Variants in PPP2R5E observed in about 807,000 individuals in gnomAD.
PPP2R5E encodes the protein protein phosphatase 2 regulatory subunit B'epsilon, also known as serine/threonine-protein phosphatase 2A 56 kDa regulatory subunit epsilon isoform.
Under a neutral mutation model 65.3 loss-of-function variants are expected in PPP2R5E, and 4 were observed. The observed-to-expected ratio is 0.06, with a 90% CI of 0.03 to 0.14. The LOEUF is 0.14. Among genes scored for constraint, PPP2R5E ranks in the 10% least tolerant of loss-of-function variants. The pLI, the probability that PPP2R5E is intolerant of heterozygous loss-of-function variation, is 1.00. For missense variants in PPP2R5E, 274 were observed against 556.1 expected (o/e 0.49, Z 5.10); for synonymous variants, 183 against 187.4 (o/e 0.98, Z 0.19).
At chr14:63,525,137 G>A (rs1043896024) in intron 2 of PPP2R5E, among the ~76,000 whole-genome samples, 1 of 152,122 alleles carries the variant, frequency 6.6e-6, no homozygotes, top group Admixed American at 6.5e-5. Flanking sequence ...GACGCCATGT[G>A]GTACATTGCC....
chr14:63,453,549 G>A lies in PPP2R5E; in HGVS notation c.354+140C>T, dbSNP rs953105998. ...GCTCTTCAAATTCTAGCACTGTGCCGACTACATTTGCTTAGCTCTCCAAAG... is the reference window on the plus strand; with the variant it reads ...GCTCTTCAAATTCTAGCACTGTGCCAACTACATTTGCTTAGCTCTCCAAAG... On this transcript the variant is annotated intron_variant, in intron 3 of 13. Coordinates refer to ENST00000337537, the MANE Select transcript of PPP2R5E (RefSeq NM_006246.5). The A allele has an allele frequency of 1.1e-4, 81 of 706,282 alleles. 1 individual carries two copies. The highest frequency in any genetic ancestry group is 9.1e-5 in the South Asian group (4 of 44,164). The allele number at this position is 706,282 out of a possible 1,614,324, so 43.8% of individuals were successfully genotyped here.
At chr14:63,404,791 G>C (rs1243410719) in intron 5 of PPP2R5E, among the ~76,000 whole-genome samples, 2 of 151,972 alleles carry the variant, frequency 1.3e-5, no homozygotes, top group African/African-American at 2.4e-5. Context: ...TTTTCCCCTT[G>C]AGCATACTAT....
chr14:63,374,296 G>T lies in PPP2R5E; in HGVS notation c.*1713C>A, dbSNP rs1265334891. The T allele has an allele frequency of 6.6e-6, 1 of 151,714 alleles. No homozygotes were observed. The highest frequency in any genetic ancestry group is 1.5e-5 in the Non-Finnish European group (1 of 67,946). The allele number at this position is 151,714 out of a possible 1,614,324, so 9.4% of individuals were successfully genotyped here. A position where few individuals can be genotyped will look rare whatever the true frequency, so the allele number is the denominator to read the frequency against. ...TATTCTACTTTATATTTAAATGTAA[G>T]GAAGAAAATATACAAGCCCATATTT... On this transcript the variant is annotated 3_prime_UTR_variant, in exon 14 of 14. Coordinates refer to ENST00000337537, the MANE Select transcript of PPP2R5E (RefSeq NM_006246.5).
At chr14:63,522,007 T>C (rs1259859655) in intron 2 of PPP2R5E, among the ~76,000 whole-genome samples, 1 of 130,738 alleles carries the variant, frequency 7.6e-6, no homozygotes, top group Admixed American at 8.7e-5. Context: ...GAAGCTGGAC[T>C]GTACTGCTGC....
chr14:63,405,890 A>G (rs369911457), intron 5 of PPP2R5E, among the ~76,000 whole-genome samples: 14 of 152,212 alleles, frequency 9.2e-5, no homozygotes, highest in Non-Finnish European at 1.6e-4. Flanking sequence ...TGAAATCAAC[A>G]TTACCACAGA....
intron 2 of PPP2R5E, among the ~76,000 whole-genome samples, chr14:63,529,604 C>T (rs1313328847): frequency 2.8e-5 from 4 of 140,398 alleles, no homozygotes; most frequent in Admixed American, 7.2e-5. Flanking sequence ...GTCTCGATCT[C>T]CTGACCTCAT....
chr14:63,490,474 T>C lies in PPP2R5E; in HGVS notation c.158-36589A>G, dbSNP rs1290940914. Among the ~76,000 whole-genome samples, 3 of 151,880 alleles carry C rather than the reference T, an allele frequency of 2.0e-5. No individual in the cohort carries two copies. The East Asian group carries it at 5.8e-4, about 29-fold the overall frequency. ...ACAACCTACAGAATGGGAGAAAATA[T>C]CTGCAAACTACACATCTGATGAAGG... On this transcript the variant is annotated intron_variant, in intron 2 of 13. Coordinates refer to ENST00000337537, the MANE Select transcript of PPP2R5E (RefSeq NM_006246.5).
intron 3 of PPP2R5E, among the ~76,000 whole-genome samples, chr14:63,430,369 A>ACATACATACATGCATACATACATACATG (rs1887581648): frequency 5.2e-5 from 7 of 135,138 alleles, no homozygotes; most frequent in African/African-American, 2.2e-4. Flanking sequence ...ATACATACAT[A>ACATACATACATGCATACATACATACATG]CATGCATGCA....
chr14:63,451,963 A>T (rs1205945350), intron 3 of PPP2R5E: 1 of 152,230 alleles, frequency 6.6e-6, no homozygotes, highest in Non-Finnish European at 1.5e-5. Context: ...GTATAAGGAT[A>T]TTCATAGAGT....
chr14:63,421,052 C>CAAAAAAAAAA (rs56297942), intron 4 of PPP2R5E, among the ~76,000 whole-genome samples: 3 of 10,294 alleles, frequency 2.9e-4, no homozygotes, highest in African/African-American at 1.2e-3. Context: ...GACTCCGTCT[C>CAAAAAAAAAA]AAAAAAAAAA....
chr14:63,457,089 G>T (rs1026714444), intron 2 of PPP2R5E, among the ~76,000 whole-genome samples: 1 of 152,196 alleles, frequency 6.6e-6, no homozygotes, highest in Non-Finnish European at 1.5e-5. Context: ...CAAACAAGAG[G>T]TTCTTCATAT....
At chr14:63,413,715 G>T (rs1360411129) in intron 5 of PPP2R5E, among the ~76,000 whole-genome samples, 2 of 151,706 alleles carry the variant, frequency 1.3e-5, no homozygotes, top group East Asian at 1.9e-4. Flanking sequence ...CATTTTTTTT[G>T]AAATAAGTTA....
intron 1 of PPP2R5E, among the ~76,000 whole-genome samples, chr14:63,541,590 A>G (rs981488197): frequency 6.6e-6 from 1 of 152,252 alleles, no homozygotes; most frequent in African/African-American, 2.4e-5. Context: ...GAAAGAATGC[A>G]TATGGGGGAA....
intron 2 of PPP2R5E, among the ~76,000 whole-genome samples, chr14:63,515,200 C>T (rs1152448): frequency 0.036 from 5,527 of 152,254 alleles, 334 homozygotes; most frequent in African/African-American, 0.13. Flanking sequence ...AAATAAACAA[C>T]TATACGGGAC....
rs61732995 is a variant in PPP2R5E at position 63,384,503 on chromosome 14, G to A, written c.1143C>T (p.Asn381=). The A allele has an allele frequency of 2.6e-3, 4,151 of 1,613,792 alleles. 95 individuals carry two copies. In the African/African-American group the frequency reaches 0.049, roughly 19 times the overall value. The change falls in exon 12 of 14, where the codon AAC becomes AAT. Residue 381 remains asparagine, a synonymous_variant. Coordinates refer to ENST00000337537, the MANE Select transcript of PPP2R5E (RefSeq NM_006246.5). ...YIMSLIEENS[N]VILPIMFSSL... ...TGGAAAACATGATGGGAAGGATGAC[G>A]TTAGAGTTTTCTTCTATCAAACTCA...
chr14:63,490,994 T>C (rs1368601200), intron 2 of PPP2R5E, among the ~76,000 whole-genome samples: 7 of 151,244 alleles, frequency 4.6e-5, no homozygotes, highest in Non-Finnish European at 8.8e-5. Context: ...CCTTCAACAG[T>C]GGACTGGATA....
At chr14:63,474,895 G>C (rs943109083) in intron 2 of PPP2R5E, among the ~76,000 whole-genome samples, 84 of 152,266 alleles carry the variant, frequency 5.5e-4, no homozygotes, top group African/African-American at 2.0e-3. Context: ...TACAAGTTGA[G>C]TAGAGGAGGA....
intron 5 of PPP2R5E, among the ~76,000 whole-genome samples, chr14:63,413,238 G>A (rs930039299): frequency 9.2e-5 from 14 of 152,188 alleles, no homozygotes; most frequent in African/African-American, 2.7e-4. Flanking sequence ...ATGTTTTTGT[G>A]TAAGAAAAGC....
intron 2 of PPP2R5E, among the ~76,000 whole-genome samples, chr14:63,466,249 TAA>T (rs56726365): frequency 1.1e-5 from 1 of 93,084 alleles, no homozygotes; most frequent in African/African-American, 4.4e-5. Flanking sequence ...TCATGAAACT[TAA>T]AAAAAAAAAG....
Sources: allele counts gnomAD v4.1 joint callset (sites outside exome capture counted in the v4.1 genomes callset), GRCh38; gene constraint gnomAD v4.1.1; transcripts MANE v1.5; gene names NCBI Gene and HGNC (gene_info 2026-07-23, HGNC 2026-07-21).